The following XIRP2 variants were observed in gnomAD, a reference collection of about 807,000 sequenced individuals.
The protein encoded by XIRP2 is xin actin-binding repeat-containing protein 2.
XIRP2 carries 236 observed loss-of-function variants against 277.0 expected under a neutral mutation model. The ratio of observed to expected loss-of-function variants is 0.85; its 90% confidence interval spans 0.77 to 0.95. The LOEUF is 0.95. XIRP2 is among the 40% of genes least tolerant of loss of function. The pLI is 0.00. For synonymous variants in XIRP2, 1,490 were observed against 1,416.5 expected (o/e 1.05, Z -1.17); for missense variants, 4,640 against 4,157.5 (o/e 1.12, Z -3.19).
At chr2:167,094,833 GT>G (rs1443755124) in intron 2 of XIRP2, among the ~76,000 whole-genome samples, 1 of 152,178 alleles carries the variant, frequency 6.6e-6, no homozygotes, top group African/African-American at 2.4e-5. Context: ...CTTTAAAGTA[GT>G]TTTTTCTAAT....
intron 2 of XIRP2, among the ~76,000 whole-genome samples, chr2:166,957,302 A>G (rs1686185854): frequency 6.6e-6 from 1 of 151,802 alleles, no homozygotes; most frequent in South Asian, 2.1e-4. Context: ...ATTTATATCT[A>G]ACTTTTCTTA....
At chr2:167,078,321 T>A (rs1466674229) in intron 2 of XIRP2, among the ~76,000 whole-genome samples, 1 of 152,204 alleles carries the variant, frequency 6.6e-6, no homozygotes, top group African/African-American at 2.4e-5. Context: ...TTTTGTACAT[T>A]GATACTGTGT....
At chr2:167,035,058 C>T (rs1286466756) in intron 2 of XIRP2, among the ~76,000 whole-genome samples, 1 of 152,190 alleles carries the variant, frequency 6.6e-6, no homozygotes, top group African/African-American at 2.4e-5. Flanking sequence ...CTTTTGCCCT[C>T]CACCATGATT....
At chr2:167,169,081 T>C (rs185560817) in intron 3 of XIRP2, among the ~76,000 whole-genome samples, 1 of 152,314 alleles carries the variant, frequency 6.6e-6, no homozygotes, top group Non-Finnish European at 1.5e-5. Flanking sequence ...AGGAATGCTG[T>C]AAATGAACCT....
At chr2:166,974,813 A>G in intron 2 of XIRP2, among the ~76,000 whole-genome samples, 1 of 152,096 alleles carries the variant, frequency 6.6e-6, no homozygotes. Flanking sequence ...TCATATGTAA[A>G]TGGACTAAAT....
chr2:167,242,711 A>G lies in XIRP2; in HGVS notation c.1319A>G (p.Gln440Arg). The change falls in exon 9 of 11, where the codon CAA becomes CGA. Residue 440 changes from glutamine to arginine, a missense_variant. Coordinates refer to ENST00000409195, the MANE Select transcript of XIRP2 (RefSeq NM_152381.6). Reference protein sequence around the residue: ...DHSVTSSTLAQINATSSGMTE... With the variant: ...DHSVTSSTLARINATSSGMTE... ...AGTGTCACTTCCTCAACTCTGGCAC[A>G]AATTAATGCTACTTCTTCAGGAATG... is the stretch of plus-strand genomic sequence containing the variant. The G allele has an allele frequency of 2.5e-6, 4 of 1,614,128 alleles. No individual in the cohort carries two copies. The highest frequency in any genetic ancestry group is 2.5e-6 in the Non-Finnish European group (3 of 1,179,994).
chr2:167,024,574 G>A (rs1281928188), intron 2 of XIRP2, among the ~76,000 whole-genome samples: 1 of 152,120 alleles, frequency 6.6e-6, no homozygotes, highest in Non-Finnish European at 1.5e-5. Context: ...CATTCAGTAT[G>A]ATATTGGCTG....
chr2:167,246,388 C>A lies in XIRP2; in HGVS notation c.4996C>A (p.Leu1666Met). ...KGDVQQAIKN[L>M]FSEERSVKKG... Reference sequence around the variant, plus strand: ...TGATGTACAACAAGCAATAAAAAACCTGTTCTCTGAGGAAAGATCTGTAAA... The same window carrying A: ...TGATGTACAACAAGCAATAAAAAACATGTTCTCTGAGGAAAGATCTGTAAA... Residue 1666 changes from leucine (L) to methionine (M), a missense_variant, in exon 9 of 11, where the codon CTG becomes ATG. By Grantham distance (15) the Leu-to-Met change is conservative. Coordinates refer to ENST00000409195, the MANE Select transcript of XIRP2 (RefSeq NM_152381.6). 1 of 1,613,354 alleles carries A rather than the reference C, an allele frequency of 6.2e-7. No homozygotes were observed. The highest frequency in any genetic ancestry group is 8.5e-7 in the Non-Finnish European group (1 of 1,179,698).
chr2:167,038,111 T>C (rs1351644696), intron 2 of XIRP2, among the ~76,000 whole-genome samples: 1 of 152,018 alleles, frequency 6.6e-6, no homozygotes, highest in Non-Finnish European at 1.5e-5. Flanking sequence ...TCTAAAATAA[T>C]TGGTGTCAGC....
intron 6 of XIRP2, among the ~76,000 whole-genome samples, chr2:167,240,247 A>G (rs1297596598): frequency 1.3e-5 from 2 of 152,048 alleles, no homozygotes; most frequent in Non-Finnish European, 2.9e-5. Context: ...CCCTGTCTCT[A>G]CTAAAAATAC....
chr2:166,891,314 T>A (rs1020758734), intron 1 of XIRP2, among the ~76,000 whole-genome samples: 1 of 152,108 alleles, frequency 6.6e-6, no homozygotes, highest in African/African-American at 2.4e-5. Context: ...GAAAGAAAAA[T>A]AAACAAATGC....
At chr2:167,028,709 A>C (rs1002114983) in intron 2 of XIRP2, among the ~76,000 whole-genome samples, 1 of 151,888 alleles carries the variant, frequency 6.6e-6, no homozygotes, top group African/African-American at 2.4e-5. Flanking sequence ...GACATCACCA[A>C]ATGAGCTAAA....
intron 2 of XIRP2, among the ~76,000 whole-genome samples, chr2:167,005,793 A>T (rs1415606537): frequency 6.6e-6 from 1 of 150,804 alleles, no homozygotes; most frequent in Admixed American, 6.6e-5. Context: ...TATTGATAAA[A>T]AAAAAAAAAT....
rs143161187 is a variant in XIRP2, at chr2:166,921,669, G to A, written c.408+17779G>A. Among the ~76,000 whole-genome samples the A allele has an allele frequency of 2.3e-3, 343 of 152,118 alleles. 3 individuals are homozygous for A. Among genetic ancestry groups the A allele is most frequent in the African/African-American group, 7.4e-3 (308 of 41,486 alleles). Reference sequence around the variant, plus strand: ...TAAGCATAGGGTATATAATCTTTCAGCACTTCAGGAATGGATGAATGGAAA... The same window carrying A: ...TAAGCATAGGGTATATAATCTTTCAACACTTCAGGAATGGATGAATGGAAA... On this transcript the variant is annotated intron_variant, in intron 2 of 10. Coordinates refer to ENST00000409195, the MANE Select transcript of XIRP2 (RefSeq NM_152381.6).
Position 167,250,094 on chromosome 2 carries a change from T to G in XIRP2, c.8702T>G (p.Val2901Gly). 6.2e-7 allele frequency: 1 copy of G among 1,613,458 alleles called. No homozygotes were observed. Among genetic ancestry groups the G allele is most frequent in the Non-Finnish European group, 8.5e-7 (1 of 1,179,658 alleles). The change falls in exon 9 of 11, where the codon GTC becomes GGC. Residue 2901 changes from valine (V) to glycine (G), a missense_variant. Physicochemically the swap from Val to Gly is moderately radical, Grantham distance 109. Coordinates refer to ENST00000409195, the MANE Select transcript of XIRP2 (RefSeq NM_152381.6). ...NSLQEEKCLE[V>G]KGIQEKQVFS... ...CTGCAGGAAGAAAAATGTCTCGAAG[T>G]CAAGGGCATACAAGAGAAACAAGTC...
chr2:166,979,355 TTTTC>T lies in XIRP2; in HGVS notation c.408+75469_408+75472del, dbSNP rs1489219705. On this transcript the variant is annotated intron_variant, in intron 2 of 10. Coordinates refer to ENST00000409195, the MANE Select transcript of XIRP2 (RefSeq NM_152381.6). ...ACTGGCTGTGTTTCCTTTTCTTTTC[TTTTC>T]TTTTCTTTTCTTTTTTTTTTTTTTT... is the stretch of plus-strand genomic sequence containing the variant. Among the ~76,000 whole-genome samples the T allele has an allele frequency of 1.1e-4, 14 of 127,542 alleles. No individual in the cohort carries two copies. In the East Asian group the frequency reaches 3.8e-3, roughly 34 times the overall value. 83.7% of individuals were successfully genotyped at this position (127,542 alleles called of 152,430 possible).
chr2:166,890,809 C>T (rs1293853025), intron 1 of XIRP2, among the ~76,000 whole-genome samples: 1 of 152,136 alleles, frequency 6.6e-6, no homozygotes, highest in Non-Finnish European at 1.5e-5. Flanking sequence ...TTACCCATAT[C>T]CTCCAGACAG....
At chr2:167,051,607 A>G (rs906467587) in intron 2 of XIRP2, among the ~76,000 whole-genome samples, 2 of 152,078 alleles carry the variant, frequency 1.3e-5, no homozygotes, top group Non-Finnish European at 2.9e-5. Flanking sequence ...TTCATTTTGA[A>G]AGGAAACCTT....
Position 167,249,624 on chromosome 2 carries a change from C to A in XIRP2, c.8232C>A (p.Thr2744=). Residue 2744 remains threonine (T), a synonymous_variant, in exon 9 of 11, where the codon ACC becomes ACA. Coordinates refer to ENST00000409195, the MANE Select transcript of XIRP2 (RefSeq NM_152381.6). ...CTGAGATTGATGTTCAAACCTTTAC[C>A]AAAAAACAATATCTGAAAACCAAGA... ...QQSEIDVQTF[T]KKQYLKTKKT... is the part of the protein sequence containing the mutation. 1 of 1,613,306 alleles carries A rather than the reference C, an allele frequency of 6.2e-7. No homozygotes were observed. Among genetic ancestry groups the A allele is most frequent in the South Asian group, 1.1e-5 (1 of 91,032 alleles).
Sources: allele counts gnomAD v4.1 joint callset (sites outside exome capture counted in the v4.1 genomes callset), GRCh38; gene constraint gnomAD v4.1.1; transcripts MANE v1.5; gene names NCBI Gene and HGNC (gene_info 2026-07-23, HGNC 2026-07-21).